ERAP1: variants seen among roughly 807,000 people sequenced by gnomAD.
ERAP1 encodes endoplasmic reticulum aminopeptidase 1, also known as adipocyte-derived leucine aminopeptidase.
In ERAP1, 86 loss-of-function variants were observed where a neutral mutation model predicts 103.7. That is an observed-to-expected ratio of 0.83 (90% CI 0.70 to 0.99). ERAP1 has a LOEUF of 0.99. ERAP1 is among the 50% of genes least tolerant of loss of function. The pLI is 0.00. For synonymous variants in ERAP1, 398 were observed against 402.4 expected, an observed-to-expected ratio of 0.99 and a Z score of 0.13; for missense variants, 1,009 against 1,128.4, an observed-to-expected ratio of 0.89 and a Z score of 1.52.
the ERAP1 span, among the ~76,000 whole-genome samples, chr5:96,899,802 G>T: frequency 6.6e-6 from 1 of 152,102 alleles, no homozygotes; most frequent in Non-Finnish European, 1.5e-5. Context: ...TAATAAAATA[G>T]GACCTTTCTT....
At chr5:96,869,020 A>G in the ERAP1 span, among the ~76,000 whole-genome samples, 1 of 152,066 alleles carries the variant, frequency 6.6e-6, no homozygotes, top group East Asian at 1.9e-4. Context: ...GTGTTTGCAC[A>G]GTGTTAGCTC....
the ERAP1 span, among the ~76,000 whole-genome samples, chr5:96,865,071 T>A: frequency 6.6e-6 from 1 of 152,288 alleles, no homozygotes; most frequent in African/African-American, 2.4e-5. Flanking sequence ...CTATGGATTT[T>A]TAGCCAATAA....
rs1262911456 is a variant in ERAP1 at position 96,776,043 on chromosome 5, G to GAGAC, written c.*349_*352dup. 31 of 1,182,202 alleles carry GAGAC rather than the reference G, an allele frequency of 2.6e-5. No homozygotes were observed. The African/African-American group carries it at 3.6e-4, about 14-fold the overall frequency. The allele number at this position is 1,182,202 out of a possible 1,614,324, so 73.2% of individuals were successfully genotyped here. On this transcript the variant is annotated 3_prime_UTR_variant, in exon 19 of 19. Coordinates refer to ENST00000443439, the MANE Select transcript of ERAP1 (RefSeq NM_001040458.3). ...AGTCGACTATTCAGAGTCTTTCGAG[G>GAGAC]AGACTGATGAAACAGTTTATGAATG...
At chr5:96,927,634 C>G in the ERAP1 span, among the ~76,000 whole-genome samples, 6 of 151,850 alleles carry the variant, frequency 4.0e-5, no homozygotes, top group Non-Finnish European at 8.8e-5. Context: ...CTACAGGCGC[C>G]CGCCACCGCG....
the ERAP1 span, among the ~76,000 whole-genome samples, chr5:96,836,521 A>AAATT: frequency 6.6e-6 from 1 of 152,138 alleles, no homozygotes; most frequent in Non-Finnish European, 1.5e-5. Context: ...GGTTTTAACA[A>AAATT]AATTAAAGGG....
chr5:96,909,459 C>T, the ERAP1 span: 1 of 768,930 alleles, frequency 1.3e-6, no homozygotes, highest in East Asian at 2.5e-5. Context: ...TACGAAGATA[C>T]ACTGTTTGGG....
At chr5:96,805,357 TAAAA>T (rs57338770) in intron 1 of ERAP1, among the ~76,000 whole-genome samples, 172 of 138,926 alleles carry the variant, frequency 1.2e-3, no homozygotes, top group African/African-American at 4.2e-3. Context: ...TTTTTTTTTT[TAAAA>T]AAAAAAAAAA....
the ERAP1 span, chr5:96,908,812 G>C: frequency 2.7e-6 from 2 of 744,952 alleles, no homozygotes; most frequent in Non-Finnish European, 4.2e-6. Context: ...TACTCAGCTA[G>C]TCAGTGGCAG....
At chr5:96,786,135 A>C in intron 12 of ERAP1, 164 bp from the exon 13 acceptor site, 1 of 687,908 alleles carries the variant, frequency 1.5e-6, no homozygotes, top group Non-Finnish European at 2.5e-6. Flanking sequence ...TCAATAGACA[A>C]AAGCTAACAC....
At chr5:96,916,781 A>G in the ERAP1 span, among the ~76,000 whole-genome samples, 1 of 145,574 alleles carries the variant, frequency 6.9e-6, no homozygotes, top group African/African-American at 2.5e-5. Context: ...TTTTTTTTTA[A>G]AGCATTATAG....
chr5:96,796,260 T>C (rs1777333000), intron 4 of ERAP1, among the ~76,000 whole-genome samples: 1 of 152,190 alleles, frequency 6.6e-6, no homozygotes, highest in Non-Finnish European at 1.5e-5. Flanking sequence ...AAAGCATCCC[T>C]TCCTCCCCTC....
At chr5:96,860,138 T>G in the ERAP1 span, among the ~76,000 whole-genome samples, 2 of 152,152 alleles carry the variant, frequency 1.3e-5, no homozygotes, top group Non-Finnish European at 2.9e-5. Flanking sequence ...CTCGGCTCAC[T>G]GCAACCTCTG....
upstream of ERAP1, among the ~76,000 whole-genome samples, chr5:96,808,989 T>A (rs1024526809): frequency 6.6e-6 from 1 of 152,130 alleles, no homozygotes; most frequent in African/African-American, 2.4e-5. Context: ...GGGCTGTTGG[T>A]TGTCCATTTT....
the ERAP1 span, among the ~76,000 whole-genome samples, chr5:96,907,976 T>C: frequency 6.6e-6 from 1 of 152,150 alleles, no homozygotes; most frequent in Non-Finnish European, 1.5e-5. Flanking sequence ...GAAAAAAATT[T>C]CCATAAGTCT....
the ERAP1 span, chr5:96,883,873 CT>C: frequency 6.2e-7 from 1 of 1,613,784 alleles, no homozygotes; most frequent in African/African-American, 1.3e-5. Flanking sequence ...TCAAAGCCAA[CT>C]TTTCAATCAA....
chr5:96,807,530 C>G (rs1778771819), intron 1 of ERAP1, among the ~76,000 whole-genome samples: 1 of 152,086 alleles, frequency 6.6e-6, no homozygotes, highest in Non-Finnish European at 1.5e-5. Flanking sequence ...CGGGGAGACC[C>G]GTGAAGCAGG....
chr5:96,885,553 C>T, the ERAP1 span, among the ~76,000 whole-genome samples: 1 of 152,170 alleles, frequency 6.6e-6, no homozygotes, highest in Non-Finnish European at 1.5e-5. Flanking sequence ...CATTTGCCAT[C>T]AAAGTAGACT....
chr5:96,763,193 T>C (rs371350925), exon 20 of ERAP1: 1 of 780,758 alleles, frequency 1.3e-6, no homozygotes, highest in Non-Finnish European at 2.4e-6. Flanking sequence ...GAGATTCTGA[T>C]GGATTTTCAT....
the ERAP1 span, among the ~76,000 whole-genome samples, chr5:96,913,930 A>C: frequency 0.54 from 82,296 of 152,066 alleles, 22,352 homozygotes; most frequent in Admixed American, 0.59. Context: ...ACCTTGGTTC[A>C]GGTGAAAGAA....
Sources: allele counts gnomAD v4.1 joint callset (sites outside exome capture counted in the v4.1 genomes callset), GRCh38; gene constraint gnomAD v4.1.1; transcripts MANE v1.5; gene names NCBI Gene and HGNC (gene_info 2026-07-23, HGNC 2026-07-21).